SEMA5B: variants seen among roughly 807,000 people sequenced by gnomAD.
The protein encoded by SEMA5B is semaphorin-5B.
In SEMA5B, 66 loss-of-function variants were observed where a neutral mutation model predicts 135.0. The ratio of observed to expected loss-of-function variants is 0.49; its 90% CI spans 0.40 to 0.60. The LOEUF is 0.60. Ranked by LOEUF, SEMA5B falls within the 20% of genes least tolerant of loss-of-function variation. The pLI, the probability that SEMA5B is intolerant of heterozygous loss-of-function variation, is 0.00. For missense variants in SEMA5B, 1,501 were observed against 1,566.3 expected, an observed-to-expected ratio of 0.96 and a Z score of 0.70; for synonymous variants, 690 against 639.5, an observed-to-expected ratio of 1.08 and a Z score of -1.19.
At chr3:122,912,368 G>T (rs746169095) in intron 18 of SEMA5B, 26 bp from the exon 19 acceptor site, 1 of 1,534,344 alleles carries the variant, frequency 6.5e-7, no homozygotes, top group East Asian at 2.4e-5. Flanking sequence ...GTGTGTGAGG[G>T]GCTGTAGGGG....
intron 5 of SEMA5B, among the ~76,000 whole-genome samples, chr3:122,935,751 C>G (rs1353789539): frequency 7.8e-6 from 1 of 128,424 alleles, no homozygotes; most frequent in African/African-American, 3.0e-5. Context: ...GGTGCAGTGG[C>G]GTGATACCTG....
At chr3:122,911,414 G>A (rs1185129313) in intron 21 of SEMA5B, 77 bp downstream of exon 21, 17 of 1,568,318 alleles carry the variant, frequency 1.1e-5, no homozygotes, top group Admixed American at 1.9e-5. Context: ...GCAGGATGTG[G>A]AAAGAGTCCA....
Position 122,959,504 on chromosome 3 carries a change from T to G in SEMA5B, c.124+1636A>C, listed in dbSNP as rs555440753. On this transcript the variant is annotated intron_variant, in intron 2 of 22. Transcript: ENST00000357599. Reference sequence around the variant, plus strand: ...AATCTCATAAACATGGTCTATAATCTTCTGTATTTGTGATCATAGAGACTG... The same window carrying G: ...AATCTCATAAACATGGTCTATAATCGTCTGTATTTGTGATCATAGAGACTG... Among the ~76,000 whole-genome samples the G allele has an allele frequency of 3.7e-4, 57 of 152,344 alleles. 1 individual carries two copies. In the South Asian group the frequency reaches 0.012, roughly 32 times the overall value.
chr3:122,974,407 C>A (rs1042182982), intron 1 of SEMA5B, among the ~76,000 whole-genome samples: 1 of 152,276 alleles, frequency 6.6e-6, no homozygotes, highest in African/African-American at 2.4e-5. Flanking sequence ...CGCCTGCGCA[C>A]ATGCCTGAGA....
At chr3:122,984,395 T>C (rs1941629233) in intron 1 of SEMA5B, among the ~76,000 whole-genome samples, 1 of 152,238 alleles carries the variant, frequency 6.6e-6, no homozygotes, top group Non-Finnish European at 1.5e-5. Flanking sequence ...GGAGAGCATC[T>C]GGGTTTGCCA....
intron 2 of SEMA5B, among the ~76,000 whole-genome samples, chr3:122,950,109 T>G (rs1939977644): frequency 6.6e-6 from 1 of 152,194 alleles, no homozygotes; most frequent in Non-Finnish European, 1.5e-5. Flanking sequence ...AGGAAAAGAC[T>G]AACAATCCAG....
Position 122,913,375 on chromosome 3 carries a change from G to T in SEMA5B, c.2330C>A (p.Thr777Asn), listed in dbSNP as rs752404787. Reference sequence around the variant, plus strand: ...CACGGGCAGCCACGGCGTCCAGGGGGTGTTGCGCCGCACTTCGGGGCAGCC... The same window carrying T: ...CACGGGCAGCCACGGCGTCCAGGGGTTGTTGCGCCGCACTTCGGGGCAGCC... ...PEGCPEVRRN[T>N]PWTPWLPVNV... is the part of the protein sequence containing the mutation. The change falls in exon 17 of 23, where the codon ACC (threonine) becomes AAC (asparagine). Residue 777 changes from threonine to asparagine, a missense_variant. Transcript: ENST00000357599. 1 of 1,581,448 alleles carries T rather than the reference G, an allele frequency of 6.3e-7. No homozygotes were observed. Among genetic ancestry groups the T allele is most frequent in the South Asian group, 1.1e-5 (1 of 89,324 alleles).
At chr3:122,914,183 C>A (rs1242495375) in intron 14 of SEMA5B, among the ~76,000 whole-genome samples, 182 bp from the exon 15 acceptor site, 1 of 152,222 alleles carries the variant, frequency 6.6e-6, no homozygotes, top group Non-Finnish European at 1.5e-5. Context: ...TTCATTTATT[C>A]CTCCTTCAGA....
In SEMA5B at chr3:122,922,407, G is replaced by T; in HGVS notation, c.1313C>A (p.Thr438Lys). Residue 438 changes from threonine (T) to lysine (K), a missense_variant, in exon 11 of 23, where the codon ACG becomes AAG. By Grantham distance (78) the Thr-to-Lys change is moderately conservative. Around this residue, in one of 2 missense-constraint regions of SEMA5B, gnomAD observed 574 missense variants for 684.7 expected, o/e 0.84. Coordinates refer to ENST00000357599, the MANE Select transcript of SEMA5B (RefSeq NM_001031702.4). ...LPETGPNENL[T>K]ERSLQDAQRL... Reference sequence around the variant, plus strand: ...CTGCGCGTCCTGCAGGCTGCGCTCCGTCAGGTTCTCGTTGGGACCGGTCTC... The same window carrying T: ...CTGCGCGTCCTGCAGGCTGCGCTCCTTCAGGTTCTCGTTGGGACCGGTCTC... 1 of 1,610,532 alleles carries T rather than the reference G, an allele frequency of 6.2e-7. No homozygotes were observed. The highest frequency in any genetic ancestry group is 8.5e-7 in the Non-Finnish European group (1 of 1,178,766).
Position 122,926,719 on chromosome 3 carries a change from G to C in SEMA5B, c.851-42C>G, listed in dbSNP as rs563574370. ...GGAACAAGGGGCAGGGCAGGCCAGC[G>C]GGGAAGAAGATGGCAGAGTCGGGAG... On this transcript the variant is annotated intron_variant, in intron 8 of 22. Transcript: ENST00000357599. 4 of 1,594,080 alleles carry C rather than the reference G, an allele frequency of 2.5e-6. No individual in the cohort carries two copies. The Admixed American group carries it at 6.7e-5, about 27-fold the overall frequency.
rs146308390 is a variant in SEMA5B, at chr3:122,926,578, C to G, written c.950G>C (p.Arg317Pro). The change falls in exon 9 of 23, where the codon CGC becomes CCC. Residue 317 changes from arginine (R) to proline (P), a missense_variant. Around this residue, in one of 2 missense-constraint regions of SEMA5B, gnomAD observed 574 missense variants for 684.7 expected, o/e 0.84. Transcript: ENST00000357599. ...GTCATTCTTGCACACGCGGGCCACG[C>G]GAGAGTACACGGTGCGTCCACAGTC... ...EHDCGRTVYS[R>P]VARVCKNDVG... 6.2e-7 allele frequency: 1 copy of G among 1,614,152 alleles called. No homozygotes were observed. The highest frequency in any genetic ancestry group is 1.7e-5 in the Admixed American group (1 of 60,022).
At chr3:123,018,563 C>T (rs187490393) in intron 1 of SEMA5B, among the ~76,000 whole-genome samples, 2 of 152,326 alleles carry the variant, frequency 1.3e-5, no homozygotes, top group East Asian at 1.9e-4. Flanking sequence ...AGAACCCAAT[C>T]GGGACCCCAC....
At chr3:122,968,562 C>T (rs979105440) in intron 1 of SEMA5B, among the ~76,000 whole-genome samples, 7 of 152,112 alleles carry the variant, frequency 4.6e-5, no homozygotes, top group African/African-American at 1.4e-4. Flanking sequence ...CCAACGCCCG[C>T]CCCAACACTA....
chr3:122,983,714 C>T (rs1474457261), intron 1 of SEMA5B, among the ~76,000 whole-genome samples: 1 of 55,426 alleles, frequency 1.8e-5, no homozygotes, highest in Non-Finnish European at 2.9e-5. Flanking sequence ...CGAGACTCGT[C>T]TCAAAAAAAA....
chr3:122,918,910 G>A (rs958443891), intron 12 of SEMA5B, among the ~76,000 whole-genome samples: 1 of 151,050 alleles, frequency 6.6e-6, no homozygotes, highest in Non-Finnish European at 1.5e-5. Flanking sequence ...GAGACTTAAA[G>A]TGTGTCTCTG....
chr3:122,955,033 C>T (rs969884879), intron 2 of SEMA5B, among the ~76,000 whole-genome samples: 1 of 151,400 alleles, frequency 6.6e-6, no homozygotes. Context: ...AACTCCTGGA[C>T]TCAAGCTATC....
At chr3:122,940,017 C>T (rs1247509641) in intron 4 of SEMA5B, among the ~76,000 whole-genome samples, 1 of 152,168 alleles carries the variant, frequency 6.6e-6, no homozygotes, top group East Asian at 1.9e-4. Context: ...CTCCAGCAGT[C>T]AGTGACTCCA....
At chr3:123,018,229 G>C (rs539030991) in intron 1 of SEMA5B, among the ~76,000 whole-genome samples, 7 of 152,226 alleles carry the variant, frequency 4.6e-5, no homozygotes, top group African/African-American at 7.2e-5. Flanking sequence ...ACAGTTTACT[G>C]TTTACCCATC....
At chr3:123,025,138 G>A (rs75978300) in intron 1 of SEMA5B, among the ~76,000 whole-genome samples, 2,117 of 152,252 alleles carry the variant, frequency 0.014, 60 homozygotes, top group African/African-American at 0.048. Flanking sequence ...TGGACCTCTC[G>A]GCTTCTCTGG....
Sources: allele counts gnomAD v4.1 joint callset (sites outside exome capture counted in the v4.1 genomes callset), GRCh38; gene constraint gnomAD v4.1.1; regional missense constraint gnomAD v4.1.1; transcripts MANE v1.5; gene names NCBI Gene and HGNC (gene_info 2026-07-23, HGNC 2026-07-21).